Variants in C8orf34 observed in about 807,000 individuals in gnomAD.
C8orf34 encodes chromosome 8 open reading frame 34, also known as uncharacterized protein C8orf34.
A neutral mutation model predicts 68.3 loss-of-function variants in C8orf34; 65 were observed. The observed-to-expected ratio is 0.95, with a 90% CI of 0.78 to 1.17. The LOEUF is 1.17. Among genes scored for constraint, C8orf34 ranks in the 50% most tolerant of loss-of-function variants. The probability of loss-of-function intolerance (pLI) is 0.00; values close to 1 mark genes in which losing one functional copy is unlikely to be tolerated. For synonymous variants in C8orf34, 244 were observed against 241.2 expected, an observed-to-expected ratio of 1.01 and a Z score of -0.11; for missense variants, 664 against 655.4, an observed-to-expected ratio of 1.01 and a Z score of -0.14.
rs548200690 is a variant in C8orf34, at chr8:68,613,425, C to T, written c.1106-26951C>T. ...GTCATTTAGCATTAGGTATATCTCC[C>T]AATTCCATCCCTCCCCCTCCCCCCA... On this transcript the variant is annotated intron_variant, in intron 7 of 13. Coordinates refer to ENST00000518698, the MANE Select transcript of C8orf34 (RefSeq NM_052958.4). Among the ~76,000 whole-genome samples, 360 of 148,876 alleles carry T rather than the reference C, an allele frequency of 2.4e-3. 6 individuals carry two copies. Among genetic ancestry groups the T allele is most frequent in the African/African-American group, 8.9e-3 (348 of 39,098 alleles).
At chr8:68,596,534 A>G (rs1442934714) in intron 7 of C8orf34, among the ~76,000 whole-genome samples, 1 of 152,150 alleles carries the variant, frequency 6.6e-6, no homozygotes, top group Non-Finnish European at 1.5e-5. Context: ...TATTAGAGAC[A>G]AAGGCCAATT....
At chr8:68,330,832 G>A, upstream of C8orf34, 1 of 522,590 alleles carries the variant, frequency 1.9e-6, no homozygotes, top group Non-Finnish European at 3.3e-6. Flanking sequence ...CACACCGGTG[G>A]CGAGTTCGAG....
At chr8:68,723,169 T>A (rs1003070265) in intron 10 of C8orf34, among the ~76,000 whole-genome samples, 6 of 152,254 alleles carry the variant, frequency 3.9e-5, no homozygotes, top group South Asian at 4.1e-4. Context: ...TTCCTGTTTG[T>A]TAGATGTTGT....
At chr8:68,739,505 AT>A (rs1416051910) in intron 10 of C8orf34, among the ~76,000 whole-genome samples, 1 of 152,148 alleles carries the variant, frequency 6.6e-6, no homozygotes, top group Non-Finnish European at 1.5e-5. Flanking sequence ...ACAAAAAAAA[AT>A]AAAATACCTA....
At chr8:68,801,301 T>C (rs1824319421) in intron 12 of C8orf34, among the ~76,000 whole-genome samples, 1 of 152,184 alleles carries the variant, frequency 6.6e-6, no homozygotes, top group East Asian at 1.9e-4. Flanking sequence ...CTCAAAAAGT[T>C]TGGATACTCT....
chr8:68,666,590 G>A (rs1819848869), intron 8 of C8orf34, among the ~76,000 whole-genome samples: 1 of 152,120 alleles, frequency 6.6e-6, no homozygotes, highest in African/African-American at 2.4e-5. Flanking sequence ...TGTTTTGGTA[G>A]CCACACAACA....
At chr8:68,465,137 A>G (rs1334881516) in intron 3 of C8orf34, among the ~76,000 whole-genome samples, 1 of 152,192 alleles carries the variant, frequency 6.6e-6, no homozygotes, top group Non-Finnish European at 1.5e-5. Flanking sequence ...AAAAGTGGGC[A>G]AAGGACATGA....
At chr8:68,402,655 G>A (rs141143650) in intron 1 of C8orf34, among the ~76,000 whole-genome samples, 49 of 152,056 alleles carry the variant, frequency 3.2e-4, no homozygotes, top group African/African-American at 1.0e-3. Context: ...TTGTTTACCC[G>A]AAGATTATTC....
chr8:68,711,211 A>C (rs1821321062), intron 9 of C8orf34, among the ~76,000 whole-genome samples: 1 of 152,166 alleles, frequency 6.6e-6, no homozygotes, highest in South Asian at 2.1e-4. Context: ...AGTCTGCGCA[A>C]ATTATAAGGA....
At chr8:68,559,959 G>C (rs1230167269) in intron 7 of C8orf34, among the ~76,000 whole-genome samples, 1 of 152,114 alleles carries the variant, frequency 6.6e-6, no homozygotes, top group Non-Finnish European at 1.5e-5. Flanking sequence ...TTTCAGATGG[G>C]GACAACAGAG....
intron 3 of C8orf34, among the ~76,000 whole-genome samples, chr8:68,454,716 T>C (rs1040542702): frequency 6.6e-6 from 1 of 152,048 alleles, no homozygotes; most frequent in African/African-American, 2.4e-5. Flanking sequence ...TTGCTGATTT[T>C]CTCTATTGTT....
intron 1 of C8orf34, among the ~76,000 whole-genome samples, chr8:68,390,761 A>G (rs1235567863): frequency 6.6e-6 from 1 of 152,160 alleles, no homozygotes; most frequent in Non-Finnish European, 1.5e-5. Flanking sequence ...TGTATCAGTC[A>G]GGGTTCTCCA....
chr8:68,528,563 T>G (rs1200342707), intron 6 of C8orf34, among the ~76,000 whole-genome samples: 3 of 152,194 alleles, frequency 2.0e-5, no homozygotes, highest in African/African-American at 7.2e-5. Flanking sequence ...CATGTTTACA[T>G]CTAATTGTTT....
At chr8:68,777,156 A>G (rs58757685) in intron 11 of C8orf34, among the ~76,000 whole-genome samples, 13,729 of 152,282 alleles carry the variant, frequency 0.09, 665 homozygotes, top group Middle Eastern at 0.11. Flanking sequence ...AGAACCGCCT[A>G]AAAGGATTTT....
intron 8 of C8orf34, among the ~76,000 whole-genome samples, chr8:68,674,625 A>T (rs925912598): frequency 6.6e-6 from 1 of 152,144 alleles, no homozygotes; most frequent in Admixed American, 6.6e-5. Context: ...AGAAAAAAAA[A>T]GAATGAAGTA....
At chr8:68,663,086 G>C (rs1197211508) in intron 8 of C8orf34, among the ~76,000 whole-genome samples, 1 of 152,222 alleles carries the variant, frequency 6.6e-6, no homozygotes, top group East Asian at 1.9e-4. Context: ...ACCAGAAAGA[G>C]AGGGATATGA....
intron 8 of C8orf34, among the ~76,000 whole-genome samples, chr8:68,687,981 A>C (rs900554641): frequency 5.3e-5 from 8 of 152,174 alleles, no homozygotes; most frequent in Non-Finnish European, 8.8e-5. Context: ...ACAGGAATAG[A>C]CATTTCTCAA....
chr8:68,783,092 A>C (rs887987743), intron 11 of C8orf34, among the ~76,000 whole-genome samples: 4 of 151,926 alleles, frequency 2.6e-5, no homozygotes, highest in Non-Finnish European at 4.4e-5. Flanking sequence ...AAAAAAGAAA[A>C]AGAAAATCAT....
chr8:68,624,668 T>G (rs1443003368), intron 7 of C8orf34, among the ~76,000 whole-genome samples: 1 of 148,454 alleles, frequency 6.7e-6, no homozygotes, highest in African/African-American at 2.4e-5. Context: ...GCTTTGATAT[T>G]TCAAGGACAA....
Sources: allele counts gnomAD v4.1 joint callset (sites outside exome capture counted in the v4.1 genomes callset), GRCh38; gene constraint gnomAD v4.1.1; transcripts MANE v1.5; gene names NCBI Gene and HGNC (gene_info 2026-07-23, HGNC 2026-07-21).